The following GADL1 variants were observed in gnomAD, a reference collection of about 807,000 sequenced individuals.
GADL1 encodes the protein GAD like acidic amino acid decarboxylase 1, also known as acidic amino acid decarboxylase GADL1.
In GADL1, 71 loss-of-function variants were observed where a neutral mutation model predicts 69.5. The observed-to-expected ratio is 1.02, with a 90% CI of 0.84 to 1.25. The LOEUF (loss-of-function observed/expected upper bound fraction) is 1.25, where lower values mean the gene tolerates loss of function less well. Ranked by LOEUF, GADL1 falls within the 50% of genes most tolerant of loss-of-function variation. GADL1 has a pLI of 0.00. For synonymous variants in GADL1, 254 were observed against 214.4 expected, an observed-to-expected ratio of 1.18 and a Z score of -1.62; for missense variants, 737 against 631.8, an observed-to-expected ratio of 1.17 and a Z score of -1.79.
chr3:30,807,555 A>G (rs1171342273), intron 11 of GADL1, among the ~76,000 whole-genome samples: 1 of 152,200 alleles, frequency 6.6e-6, no homozygotes, highest in Non-Finnish European at 1.5e-5. Context: ...AACACTCTAA[A>G]GGTATCACAT....
At chr3:30,814,064 CTTGA>C (rs1456812925) in intron 11 of GADL1, among the ~76,000 whole-genome samples, 6 of 152,086 alleles carry the variant, frequency 3.9e-5, no homozygotes, top group African/African-American at 1.2e-4. Context: ...GTGCTTACTA[CTTGA>C]TTAACAATGC....
chr3:30,892,828 A>G (rs1390433914), intron 1 of GADL1, among the ~76,000 whole-genome samples: 1 of 152,166 alleles, frequency 6.6e-6, no homozygotes, highest in Non-Finnish European at 1.5e-5. Context: ...ATACTTTTCA[A>G]TCCATTCTCA....
chr3:30,802,377 A>G (rs1697181270), intron 11 of GADL1, among the ~76,000 whole-genome samples: 1 of 152,186 alleles, frequency 6.6e-6, no homozygotes, highest in Non-Finnish European at 1.5e-5. Flanking sequence ...TCCACTCTCA[A>G]TGCCCTGACA....
chr3:30,882,015 T>G (rs1238283474), intron 1 of GADL1, among the ~76,000 whole-genome samples: 1 of 151,894 alleles, frequency 6.6e-6, no homozygotes, highest in Non-Finnish European at 1.5e-5. Flanking sequence ...CCAATAAAAT[T>G]GTTTATTATA....
At chr3:30,863,180 T>C (rs72851445) in intron 1 of GADL1, among the ~76,000 whole-genome samples, 4,136 of 151,992 alleles carry the variant, frequency 0.027, 177 homozygotes, top group African/African-American at 0.091. Context: ...TAATCTTAAT[T>C]GTATGTTTTA....
chr3:30,858,135 T>C (rs2125535509), intron 2 of GADL1, among the ~76,000 whole-genome samples: 1 of 152,126 alleles, frequency 6.6e-6, no homozygotes, highest in African/African-American at 2.4e-5. Flanking sequence ...ATAATCTCCA[T>C]ACAAGCAGAT....
chr3:30,786,583 G>T (rs547013729), intron 12 of GADL1, among the ~76,000 whole-genome samples, 177 bp from the exon 13 acceptor site: 8 of 152,262 alleles, frequency 5.3e-5, no homozygotes, highest in African/African-American at 1.9e-4. Flanking sequence ...TAATTTCCTT[G>T]GCCTGAGTAA....
At position 30,751,474 on chromosome 3, in the gene GADL1, C is replaced by T. The variant is rs111847808; in HGVS notation, c.1393-23059G>A. On this transcript the variant is annotated intron_variant, in intron 14 of 14. Coordinates refer to ENST00000282538, the MANE Select transcript of GADL1 (RefSeq NM_207359.3). ...CCTTCGTGTCTTCTGTTCAACATTC[C>T]GAGAACCTGGGTAACTAGAACCTGG... 2.1e-4 allele frequency among the ~76,000 whole-genome samples: 32 copies of T among 150,784 alleles called. No individual in the cohort carries two copies. In the East Asian group the frequency reaches 5.0e-3, roughly 24 times the overall value.
At chr3:30,845,269 C>T in intron 6 of GADL1, among the ~76,000 whole-genome samples, 1 of 152,124 alleles carries the variant, frequency 6.6e-6, no homozygotes, top group Non-Finnish European at 1.5e-5. Flanking sequence ...ATTATTGGGC[C>T]TTCTCTATAC....
chr3:30,730,325 G>A (rs952461669), intron 14 of GADL1, among the ~76,000 whole-genome samples: 1 of 152,136 alleles, frequency 6.6e-6, no homozygotes, highest in Non-Finnish European at 1.5e-5. Flanking sequence ...AGTGATTTTT[G>A]TAAAAACTAA....
chr3:30,815,450 T>G (rs1697450706), intron 11 of GADL1, among the ~76,000 whole-genome samples: 1 of 152,150 alleles, frequency 6.6e-6, no homozygotes, highest in Admixed American at 6.5e-5. Flanking sequence ...TCTGACAGAT[T>G]GCAAGTGTCC....
At chr3:30,881,381 A>G (rs1037058441) in intron 1 of GADL1, among the ~76,000 whole-genome samples, 1 of 151,922 alleles carries the variant, frequency 6.6e-6, no homozygotes, top group Non-Finnish European at 1.5e-5. Flanking sequence ...GGCAACCTAA[A>G]TTACACTATA....
intron 1 of GADL1, among the ~76,000 whole-genome samples, chr3:30,877,903 C>T (rs1698599388): frequency 6.6e-6 from 1 of 151,890 alleles, no homozygotes. Flanking sequence ...TAGATAGTTG[C>T]TCTACAATAT....
chr3:30,772,135 TCA>T (rs1696431295), intron 14 of GADL1, among the ~76,000 whole-genome samples: 1 of 148,042 alleles, frequency 6.8e-6, no homozygotes, highest in South Asian at 2.2e-4. Context: ...TGGAATATCA[TCA>T]AGTTTTATCA....
chr3:30,735,794 G>A (rs550030641), intron 14 of GADL1, among the ~76,000 whole-genome samples: 2 of 152,236 alleles, frequency 1.3e-5, no homozygotes, highest in African/African-American at 4.8e-5. Context: ...TTTGAACATG[G>A]TGGAACTTGA....
intron 13 of GADL1, among the ~76,000 whole-genome samples, chr3:30,783,169 C>G: frequency 6.6e-6 from 1 of 152,096 alleles, no homozygotes; most frequent in East Asian, 1.9e-4. Flanking sequence ...TTCTATAACT[C>G]AGTTGATGAA....
Position 30,883,743 on chromosome 3 carries a change from C to T in GADL1, c.37+10835G>A, listed in dbSNP as rs189897723. On this transcript the variant is annotated intron_variant, in intron 1 of 14. Coordinates refer to ENST00000282538, the MANE Select transcript of GADL1 (RefSeq NM_207359.3). ...TGTATATTGCTCTGGGTAGCATGGA[C>T]GTCTTAATAATACAATTTTCTAATC... Among the ~76,000 whole-genome samples, 71 of 151,986 alleles carry T rather than the reference C, an allele frequency of 4.7e-4. 2 individuals carry two copies. In the East Asian group the frequency reaches 9.9e-3, roughly 21 times the overall value.
At chr3:30,809,178 T>G (rs1175652196) in intron 11 of GADL1, among the ~76,000 whole-genome samples, 1 of 152,228 alleles carries the variant, frequency 6.6e-6, no homozygotes, top group Admixed American at 6.5e-5. Context: ...CATCTTCAAA[T>G]AAACATCTTG....
At chr3:30,830,380 T>TTA (rs1202266010) in intron 11 of GADL1, among the ~76,000 whole-genome samples, 1 of 152,016 alleles carries the variant, frequency 6.6e-6, no homozygotes, top group Non-Finnish European at 1.5e-5. Flanking sequence ...AATAAGTTTG[T>TTA]TATGCTTTTC....
Sources: gnomAD v4.1 joint callset for allele counts (sites outside exome capture counted in the v4.1 genomes callset) on GRCh38, gnomAD v4.1.1 for gene constraint, MANE v1.5 for transcripts, NCBI Gene and HGNC (gene_info 2026-07-23, HGNC 2026-07-21) for gene names.